TRAF3: variants seen among roughly 807,000 people sequenced by gnomAD.
The protein encoded by TRAF3 is TNF receptor associated factor 3.
TRAF3 carries 13 observed loss-of-function variants against 62.3 expected under a neutral mutation model. That is an observed-to-expected ratio of 0.21 (90% CI 0.14 to 0.33). The LOEUF (loss-of-function observed/expected upper bound fraction) is 0.33, where lower values mean the gene tolerates loss of function less well. Among genes scored for constraint, TRAF3 ranks in the 10% least tolerant of loss-of-function variants. TRAF3 has a pLI of 1.00. For missense variants in TRAF3, 440 were observed against 741.8 expected, an observed-to-expected ratio of 0.59 and a Z score of 4.73; for synonymous variants, 269 against 283.4, an observed-to-expected ratio of 0.95 and a Z score of 0.51.
chr14:102,867,243 G>C (rs771517873), intron 2 of TRAF3, among the ~76,000 whole-genome samples: 38 of 152,158 alleles, frequency 2.5e-4, no homozygotes, highest in Non-Finnish European at 4.1e-4. Flanking sequence ...TCTGTTACGG[G>C]CAAGAGAGTA....
intron 1 of TRAF3, among the ~76,000 whole-genome samples, chr14:102,813,142 A>G (rs532477168): frequency 3.5e-4 from 37 of 107,030 alleles, no homozygotes; most frequent in African/African-American, 7.4e-4. Flanking sequence ...CGCCTGGCTA[A>G]TTTTGTATTT....
At chr14:102,837,641 T>TAA (rs60254429) in intron 2 of TRAF3, among the ~76,000 whole-genome samples, 115 of 144,574 alleles carry the variant, frequency 8.0e-4, no homozygotes, top group Non-Finnish European at 1.2e-3. Flanking sequence ...TTCAAAACAG[T>TAA]AAAAAAAAAA....
chr14:102,809,821 C>T (rs188903253), intron 1 of TRAF3, among the ~76,000 whole-genome samples: 7 of 152,140 alleles, frequency 4.6e-5, no homozygotes, highest in Non-Finnish European at 7.4e-5. Context: ...TGAGCCACCG[C>T]GCTTGGCCCA....
chr14:102,785,031 A>G (rs1214009485), intron 1 of TRAF3, among the ~76,000 whole-genome samples: 1 of 152,184 alleles, frequency 6.6e-6, no homozygotes, highest in Non-Finnish European at 1.5e-5. Context: ...GAGGAAAAGG[A>G]AGAGCAACAG....
At chr14:102,875,389 CT>C (rs1339410423) in intron 4 of TRAF3, among the ~76,000 whole-genome samples, 1 of 152,172 alleles carries the variant, frequency 6.6e-6, no homozygotes, top group African/African-American at 2.4e-5. Context: ...AATTCATTTT[CT>C]TTTGGCTTAA....
intron 6 of TRAF3, among the ~76,000 whole-genome samples, chr14:102,880,394 C>T (rs1595390011): frequency 6.6e-6 from 1 of 152,196 alleles, no homozygotes; most frequent in Non-Finnish European, 1.5e-5. Context: ...TCAGGCTTTA[C>T]ATATGTTAAT....
intron 2 of TRAF3, among the ~76,000 whole-genome samples, chr14:102,868,528 G>A (rs974271816): frequency 2.0e-5 from 3 of 152,310 alleles, no homozygotes; most frequent in African/African-American, 7.2e-5. Context: ...CGTAAAGGTC[G>A]TAAGGCACTG....
At chr14:102,851,849 T>A (rs1056712072) in intron 2 of TRAF3, among the ~76,000 whole-genome samples, 1 of 151,936 alleles carries the variant, frequency 6.6e-6, no homozygotes, top group Non-Finnish European at 1.5e-5. Flanking sequence ...TGGGCCACAT[T>A]GGCGAGACCT....
At chr14:102,800,543 C>G (rs1036513674) in intron 1 of TRAF3, among the ~76,000 whole-genome samples, 9 of 152,154 alleles carry the variant, frequency 5.9e-5, no homozygotes, top group Non-Finnish European at 1.0e-4. Context: ...GTGCTGAAAC[C>G]CCAGAGCCTC....
intron 7 of TRAF3, among the ~76,000 whole-genome samples, chr14:102,887,684 T>A (rs1385442084): frequency 6.6e-6 from 1 of 152,052 alleles, no homozygotes; most frequent in African/African-American, 2.4e-5. Context: ...ATGCTCTGCC[T>A]CCTGGGTTCA....
In TRAF3 at chr14:102,870,791, C is replaced by T. The variant is rs529082639; in HGVS notation, c.245+345C>T. On this transcript the variant is annotated intron_variant, in intron 3 of 11. Transcript: ENST00000392745. ...ATGACAAGCCAGTCATTTAAGGGCA[C>T]GTGTGCTGGTGTGCAAGGATGCCGC... Among the ~76,000 whole-genome samples, 4 of 152,234 alleles carry T rather than the reference C, an allele frequency of 2.6e-5. No homozygotes were observed. The East Asian group carries it at 5.8e-4, about 22-fold the overall frequency.
chr14:102,780,416 G>A (rs566157053), intron 1 of TRAF3, among the ~76,000 whole-genome samples: 1 of 152,050 alleles, frequency 6.6e-6, no homozygotes, highest in Admixed American at 6.5e-5. Flanking sequence ...ATTTGAGAAA[G>A]CCTTTATTGA....
intron 6 of TRAF3, 66 bp from the exon 7 acceptor site, chr14:102,886,123 A>T: frequency 1.9e-6 from 3 of 1,553,542 alleles, no homozygotes; most frequent in Non-Finnish European, 2.7e-6. Flanking sequence ...CCCCATGGGG[A>T]TCTCAGCGGG....
chr14:102,836,801 G>A (rs1886036374), intron 2 of TRAF3, among the ~76,000 whole-genome samples: 1 of 152,188 alleles, frequency 6.6e-6, no homozygotes, highest in Admixed American at 6.5e-5. Context: ...CTGACATTTT[G>A]TGTTTTAGGA....
At chr14:102,854,417 C>T (rs1437035492) in intron 2 of TRAF3, among the ~76,000 whole-genome samples, 3 of 152,190 alleles carry the variant, frequency 2.0e-5, no homozygotes, top group Non-Finnish European at 4.4e-5. Flanking sequence ...TGAAGATTCC[C>T]ATTTCTCCAT....
chr14:102,785,353 C>T (rs72702779), intron 1 of TRAF3, among the ~76,000 whole-genome samples: 194 of 152,324 alleles, frequency 1.3e-3, no homozygotes, highest in Middle Eastern at 3.4e-3. Flanking sequence ...TACGCAGTGG[C>T]TCAGATGCTT....
intron 1 of TRAF3, among the ~76,000 whole-genome samples, chr14:102,815,674 A>G (rs1385532263): frequency 6.6e-6 from 1 of 152,216 alleles, no homozygotes; most frequent in East Asian, 1.9e-4. Flanking sequence ...GCTATAAAGA[A>G]ATTCCCCAGA....
At chr14:102,825,365 G>C (rs1900240833) in intron 1 of TRAF3, among the ~76,000 whole-genome samples, 1 of 152,234 alleles carries the variant, frequency 6.6e-6, no homozygotes, top group Non-Finnish European at 1.5e-5. Context: ...CCCTTAATCA[G>C]ATGGTCGAAT....
intron 1 of TRAF3, among the ~76,000 whole-genome samples, chr14:102,811,913 C>CTTTTTTTT (rs71119743): frequency 0.019 from 913 of 47,080 alleles, 255 homozygotes; most frequent in East Asian, 0.051. Context: ...ATGCCTGGCC[C>CTTTTTTTT]TTTTTTTTTT....
Sources: allele counts gnomAD v4.1 joint callset (sites outside exome capture counted in the v4.1 genomes callset), GRCh38; gene constraint gnomAD v4.1.1; transcripts MANE v1.5; gene names NCBI Gene and HGNC (gene_info 2026-07-23, HGNC 2026-07-21).